Variants in SLCO1B3 observed in about 807,000 individuals in gnomAD.
SLCO1B3 encodes solute carrier organic anion transporter family member 1B3, also known as liver-specific organic anion transporter 2.
SLCO1B3 carries 72 observed loss-of-function variants against 71.8 expected under a neutral mutation model. The ratio of observed to expected loss-of-function variants is 1.00; its 90% CI spans 0.83 to 1.22. The LOEUF (loss-of-function observed/expected upper bound fraction) is 1.22. Among genes scored for constraint, SLCO1B3 ranks in the 50% most tolerant of loss-of-function variants. The probability of loss-of-function intolerance (pLI) is 0.00; values close to 1 mark genes in which losing one functional copy is unlikely to be tolerated. For missense variants in SLCO1B3, 911 were observed against 819.7 expected (o/e 1.11, Z -1.36); for synonymous variants, 298 against 278.4 (o/e 1.07, Z -0.70).
intron 4 of SLCO1B3, among the ~76,000 whole-genome samples, chr12:20,855,851 C>T (rs934704479): frequency 9.9e-5 from 15 of 151,256 alleles, no homozygotes; most frequent in African/African-American, 3.6e-4. Flanking sequence ...AGCTTATAGC[C>T]TCTGCTAATT....
intron 13 of SLCO1B3, among the ~76,000 whole-genome samples, chr12:20,896,430 A>G (rs1049874500): frequency 6.6e-6 from 1 of 152,148 alleles, no homozygotes; most frequent in African/African-American, 2.4e-5. Context: ...ATCTCCCTCA[A>G]GTTCAAAGTT....
chr12:20,840,740 T>TGGTA (rs1197972936), intron 3 of SLCO1B3, among the ~76,000 whole-genome samples: 1 of 152,156 alleles, frequency 6.6e-6, no homozygotes, highest in Non-Finnish European at 1.5e-5. Flanking sequence ...CTCTGTAATA[T>TGGTA]GGTAGGCTAG....
chr12:20,843,866 A>G (rs1402027997), intron 3 of SLCO1B3, among the ~76,000 whole-genome samples: 1 of 126,728 alleles, frequency 7.9e-6, no homozygotes, highest in Non-Finnish European at 1.7e-5. Context: ...AAAGACTTCA[A>G]ATTTTTTTCT....
In SLCO1B3 at chr12:20,916,285, T is replaced by A. The variant is rs1565612843; in HGVS notation, c.*38T>A. Reference sequence around the variant, plus strand: ...TCATTAAGATGTTATTTTTGAGGTGTTCCTGGTCTTTCACTGACAATTCCA... The same window carrying A: ...TCATTAAGATGTTATTTTTGAGGTGATCCTGGTCTTTCACTGACAATTCCA... On this transcript the variant is annotated 3_prime_UTR_variant, in exon 16 of 16. Coordinates refer to ENST00000381545, the MANE Select transcript of SLCO1B3 (RefSeq NM_019844.4). 1 of 1,583,996 alleles carries A rather than the reference T, an allele frequency of 6.3e-7. No homozygotes were observed. The highest frequency in any genetic ancestry group is 1.7e-5 in the Admixed American group (1 of 57,704).
At chr12:20,862,982 A>G in intron 8 of SLCO1B3, 128 bp downstream of exon 8, 1 of 486,300 alleles carries the variant, frequency 2.1e-6, no homozygotes, top group Non-Finnish European at 3.6e-6. Flanking sequence ...CAAGTAGGAA[A>G]TAAATCCATT....
rs7958873 is a variant in SLCO1B3, at chr12:20,835,247, C to G, written c.84+19425C>G. ...TTTTTCCCTTCTAGACCTCCAGACC[C>G]GTGATGGGCGTGGCTGCTCCCAAGG... On this transcript the variant is annotated intron_variant, in intron 3 of 15. Transcript: ENST00000381545. 5.9e-5 allele frequency among the ~76,000 whole-genome samples: 9 copies of G among 152,140 alleles called. No homozygotes were observed. In the South Asian group the frequency reaches 1.9e-3, roughly 32 times the overall value.
At chr12:20,895,803 T>C (rs1364349661) in intron 13 of SLCO1B3, among the ~76,000 whole-genome samples, 1 of 152,254 alleles carries the variant, frequency 6.6e-6, no homozygotes, top group Non-Finnish European at 1.5e-5. Context: ...CCGTTCATAC[T>C]GCCCTAGCAG....
At chr12:20,833,758 A>G (rs1864600476) in intron 3 of SLCO1B3, among the ~76,000 whole-genome samples, 1 of 148,100 alleles carries the variant, frequency 6.8e-6, no homozygotes, top group African/African-American at 2.4e-5. Context: ...AATATGTATT[A>G]CATATATGTA....
intron 15 of SLCO1B3, among the ~76,000 whole-genome samples, chr12:20,910,409 A>C (rs1336223680): frequency 6.6e-6 from 1 of 152,146 alleles, no homozygotes; most frequent in East Asian, 1.9e-4. Context: ...GTGTTCTTAC[A>C]CTTAAGTATT....
At chr12:20,888,037 G>A (rs1865825808) in intron 13 of SLCO1B3, among the ~76,000 whole-genome samples, 1 of 151,918 alleles carries the variant, frequency 6.6e-6, no homozygotes, top group Admixed American at 6.6e-5. Context: ...GTATGTTGTA[G>A]GTATGTGGCT....
chr12:20,846,357 T>A (rs1181727146), intron 3 of SLCO1B3, among the ~76,000 whole-genome samples: 1 of 152,138 alleles, frequency 6.6e-6, no homozygotes, highest in East Asian at 1.9e-4. Context: ...TTCCAAAGAG[T>A]GTTATTCTTT....
At position 20,883,586 on chromosome 12, in the gene SLCO1B3, A is replaced by T. The variant is rs768874170; in HGVS notation, c.1666A>T (p.Ile556Phe). ...CTCTGCAACAGGAGGTACCACATTT[A>T]TCTTGTTGACTGTGAAGTAAGTATG... ...LFSATGGTTF[I>F]LLTVKIVQPE... Residue 556 changes from isoleucine (I) to phenylalanine (F), a missense_variant, in exon 13 of 16, where the codon ATC becomes TTC. Coordinates refer to ENST00000381545, the MANE Select transcript of SLCO1B3 (RefSeq NM_019844.4). 5 of 1,589,582 alleles carry T rather than the reference A, an allele frequency of 3.1e-6. No homozygotes were observed. The Admixed American group carries it at 9.1e-5, about 29-fold the overall frequency.
chr12:20,909,663 C>T (rs904820660), intron 15 of SLCO1B3, among the ~76,000 whole-genome samples: 1 of 152,094 alleles, frequency 6.6e-6, no homozygotes, highest in Non-Finnish European at 1.5e-5. Context: ...CTCTGACTCT[C>T]ATCTTATCCT....
At chr12:20,880,713 C>A (rs1351668442) in intron 11 of SLCO1B3, 142 bp from the exon 12 acceptor site, 3 of 524,626 alleles carry the variant, frequency 5.7e-6, no homozygotes, top group Admixed American at 4.1e-5. Flanking sequence ...AAAGGAAAAC[C>A]CTTTCTCTTA....
At chr12:20,915,834 G>T (rs1319112144) in intron 15 of SLCO1B3, among the ~76,000 whole-genome samples, 170 bp from the exon 16 acceptor site, 1 of 151,984 alleles carries the variant, frequency 6.6e-6, no homozygotes, top group Non-Finnish European at 1.5e-5. Flanking sequence ...TTTAATAATA[G>T]AAAAATATCT....
chr12:20,888,437 A>G (rs986464140), intron 13 of SLCO1B3, among the ~76,000 whole-genome samples: 5 of 151,628 alleles, frequency 3.3e-5, no homozygotes, highest in African/African-American at 1.2e-4. Flanking sequence ...ATGTATTACT[A>G]TTTTTTATAT....
At chr12:20,832,495 T>G (rs989556872) in intron 3 of SLCO1B3, among the ~76,000 whole-genome samples, 2 of 132,474 alleles carry the variant, frequency 1.5e-5, no homozygotes, top group African/African-American at 6.5e-5. Context: ...AAGTAATGAT[T>G]ATTAAAAAAA....
chr12:20,817,061 C>T (rs1283691804), intron 3 of SLCO1B3, among the ~76,000 whole-genome samples: 2 of 152,056 alleles, frequency 1.3e-5, no homozygotes, highest in African/African-American at 2.4e-5. Context: ...AGATTTGGTC[C>T]TATAGAATTG....
intron 4 of SLCO1B3, among the ~76,000 whole-genome samples, chr12:20,856,079 C>A (rs1555155584): frequency 6.6e-6 from 1 of 152,168 alleles, no homozygotes; most frequent in Non-Finnish European, 1.5e-5. Context: ...ATGTCCTTCA[C>A]TTGTTTACCT....
Sources: gnomAD v4.1 joint callset for allele counts (sites outside exome capture counted in the v4.1 genomes callset) on GRCh38, gnomAD v4.1.1 for gene constraint, MANE v1.5 for transcripts, NCBI Gene and HGNC (gene_info 2026-07-23, HGNC 2026-07-21) for gene names.